Variants in BICD1 observed in about 807,000 individuals in gnomAD.
BICD1 encodes the protein protein bicaudal D homolog 1.
In BICD1, 35 loss-of-function variants were observed where a neutral mutation model predicts 92.5. The observed-to-expected ratio is 0.38, with a 90% CI of 0.29 to 0.50. The LOEUF (loss-of-function observed/expected upper bound fraction) is 0.50, where lower values mean the gene tolerates loss of function less well. Ranked by LOEUF, BICD1 falls within the 20% of genes least tolerant of loss-of-function variation. The probability of loss-of-function intolerance (pLI) is 0.93; values close to 1 mark genes in which losing one functional copy is unlikely to be tolerated. For missense variants in BICD1, 950 were observed against 1,189.8 expected, an observed-to-expected ratio of 0.80 and a Z score of 2.97; for synonymous variants, 429 against 465.1, an observed-to-expected ratio of 0.92 and a Z score of 1.00.
intron 1 of BICD1, among the ~76,000 whole-genome samples, chr12:32,163,588 G>A (rs1943663386): frequency 6.6e-6 from 1 of 152,112 alleles, no homozygotes; most frequent in African/African-American, 2.4e-5. Context: ...GCATGTTTCT[G>A]TGCCATTAAA....
intron 1 of BICD1, among the ~76,000 whole-genome samples, chr12:32,212,583 C>T (rs1461781599): frequency 1.3e-5 from 2 of 152,116 alleles, no homozygotes; most frequent in Admixed American, 6.5e-5. Flanking sequence ...CACAAGCACG[C>T]CCAGCTAATC....
intron 1 of BICD1, among the ~76,000 whole-genome samples, chr12:32,119,662 A>G (rs1942072535): frequency 6.6e-6 from 1 of 152,212 alleles, no homozygotes; most frequent in Non-Finnish European, 1.5e-5. Context: ...ATATGAGGCC[A>G]GGAGTTTGAG....
At chr12:32,174,503 CA>C (rs139885508) in intron 1 of BICD1, among the ~76,000 whole-genome samples, 10 of 144,050 alleles carry the variant, frequency 6.9e-5, no homozygotes, top group Non-Finnish European at 7.7e-5. Context: ...ACCCTGTCTC[CA>C]AAAAAAAAAG....
At chr12:32,193,985 T>C (rs904432795) in intron 1 of BICD1, among the ~76,000 whole-genome samples, 4 of 152,090 alleles carry the variant, frequency 2.6e-5, no homozygotes, top group African/African-American at 9.7e-5. Context: ...AACAGCACAC[T>C]AAAAACATCA....
At chr12:32,224,344 T>C (rs948245895) in intron 2 of BICD1, among the ~76,000 whole-genome samples, 3 of 152,258 alleles carry the variant, frequency 2.0e-5, no homozygotes, top group Non-Finnish European at 4.4e-5. Flanking sequence ...ATATCATAGC[T>C]AACATTTATT....
intron 2 of BICD1, among the ~76,000 whole-genome samples, chr12:32,240,507 G>A (rs1055026486): frequency 1.1e-4 from 16 of 152,256 alleles, no homozygotes; most frequent in African/African-American, 3.6e-4. Context: ...ATGTCACGTT[G>A]CCTTTTTCTT....
At chr12:32,152,017 C>T (rs1310747583) in intron 1 of BICD1, among the ~76,000 whole-genome samples, 2 of 152,010 alleles carry the variant, frequency 1.3e-5, no homozygotes, top group Non-Finnish European at 2.9e-5. Context: ...AGTGTAGTGG[C>T]GCGTTCTCAG....
chr12:32,165,397 T>A (rs1943727120), intron 1 of BICD1, among the ~76,000 whole-genome samples: 2 of 152,056 alleles, frequency 1.3e-5, no homozygotes, highest in Non-Finnish European at 1.5e-5. Context: ...GCGCTTGTAG[T>A]CCCAGCTACT....
chr12:32,360,771 T>C (rs904250747), intron 8 of BICD1, among the ~76,000 whole-genome samples: 5 of 152,194 alleles, frequency 3.3e-5, no homozygotes, highest in South Asian at 2.1e-4. Context: ...GGTCTTCACT[T>C]AGCCTGACCT....
intron 1 of BICD1, among the ~76,000 whole-genome samples, chr12:32,200,535 A>G (rs1432103903): frequency 6.6e-6 from 1 of 152,202 alleles, no homozygotes; most frequent in Non-Finnish European, 1.5e-5. Context: ...AGTAGATAGT[A>G]TGGTATATTT....
intron 1 of BICD1, among the ~76,000 whole-genome samples, chr12:32,126,164 G>C (rs938207532): frequency 6.6e-6 from 1 of 151,980 alleles, no homozygotes; most frequent in Non-Finnish European, 1.5e-5. Context: ...TTAGAGTAGA[G>C]GAAATAGGAG....
intron 1 of BICD1, among the ~76,000 whole-genome samples, chr12:32,131,180 A>G (rs951872746): frequency 8.5e-5 from 13 of 152,114 alleles, no homozygotes; most frequent in African/African-American, 3.1e-4. Context: ...TCCAGTTGTA[A>G]GCCTATACAT....
At chr12:32,376,606 G>T (rs905416005) in intron 9 of BICD1, among the ~76,000 whole-genome samples, 5 of 151,028 alleles carry the variant, frequency 3.3e-5, no homozygotes, top group Non-Finnish European at 7.4e-5. Flanking sequence ...GGTGGCTCAC[G>T]CCTGTAATCC....
At chr12:32,335,580 CTTT>C (rs11423390) in intron 6 of BICD1, among the ~76,000 whole-genome samples, 5 of 131,900 alleles carry the variant, frequency 3.8e-5, no homozygotes, top group African/African-American at 5.6e-5. Flanking sequence ...AAAAGACCTA[CTTT>C]TTTTTTTTTT....
Position 32,120,867 on chromosome 12 carries a change from T to TAG in BICD1, c.213+13351_213+13352dup, listed in dbSNP as rs144690164. Among the ~76,000 whole-genome samples, 219 of 83,462 alleles carry TAG rather than the reference T, an allele frequency of 2.6e-3. 1 individual carries two copies. In the East Asian group the frequency reaches 0.036, roughly 14 times the overall value. 54.8% of individuals were successfully genotyped at this position (83,462 alleles called of 152,430 possible). ...AAATATAGGAAGGAAAATCAACCATTAGAGAGAGAGAGAGAGAGAGAGAGA... is the reference window on the plus strand; with the variant it reads ...AAATATAGGAAGGAAAATCAACCATTAGAGAGAGAGAGAGAGAGAGAGAGAGA... On this transcript the variant is annotated intron_variant, in intron 1 of 9. Coordinates refer to ENST00000652176, the MANE Select transcript of BICD1 (RefSeq NM_001714.4).
intron 1 of BICD1, among the ~76,000 whole-genome samples, chr12:32,146,106 C>T (rs909101722): frequency 1.3e-5 from 2 of 152,136 alleles, no homozygotes; most frequent in Non-Finnish European, 2.9e-5. Flanking sequence ...CTCTCAGAAC[C>T]CAATTATTCT....
intron 4 of BICD1, among the ~76,000 whole-genome samples, chr12:32,309,316 G>A (rs1592651453): frequency 2.0e-5 from 3 of 152,248 alleles, no homozygotes; most frequent in South Asian, 4.1e-4. Flanking sequence ...AAATTATGAA[G>A]AGGAACCAAT....
At chr12:32,215,793 C>A (rs1248385789) in intron 1 of BICD1, among the ~76,000 whole-genome samples, 2 of 148,578 alleles carry the variant, frequency 1.3e-5, no homozygotes. Context: ...ACTAAAAATA[C>A]AAAAAAAAAA....
intron 2 of BICD1, among the ~76,000 whole-genome samples, chr12:32,220,152 C>T (rs1189716556): frequency 2.6e-5 from 4 of 152,134 alleles, no homozygotes; most frequent in Admixed American, 1.3e-4. Context: ...AGAAGAAAAC[C>T]TAGCCATTAC....
Sources: allele counts gnomAD v4.1 joint callset (sites outside exome capture counted in the v4.1 genomes callset), GRCh38; gene constraint gnomAD v4.1.1; transcripts MANE v1.5; gene names NCBI Gene and HGNC (gene_info 2026-07-23, HGNC 2026-07-21).